The following ABCB4 variants were observed in gnomAD, a reference collection of about 807,000 sequenced individuals.
The protein encoded by ABCB4 is phosphatidylcholine translocator ABCB4.
A neutral mutation model predicts 145.7 loss-of-function variants in ABCB4; 76 were observed. The observed-to-expected ratio is 0.52, with a 90% CI of 0.43 to 0.63. The LOEUF is 0.63. ABCB4 is among the 30% of genes least tolerant of loss of function. The pLI is 0.00. For missense variants in ABCB4, 1,234 were observed against 1,553.1 expected, an observed-to-expected ratio of 0.79 and a Z score of 3.45; for synonymous variants, 517 against 566.8, an observed-to-expected ratio of 0.91 and a Z score of 1.25.
chr7:87,392,550 T>C, the ABCB4 span: 1 of 1,609,010 alleles, frequency 6.2e-7, no homozygotes, highest in South Asian at 1.1e-5. Flanking sequence ...GAAGTGTCTC[T>C]CGATTTTTAA....
chr7:87,407,301 A>G (rs887208189), intron 25 of ABCB4, among the ~76,000 whole-genome samples: 6 of 152,200 alleles, frequency 3.9e-5, no homozygotes, highest in South Asian at 2.1e-4. Flanking sequence ...TGGTTTGCCT[A>G]TGTTACCTGC....
At chr7:87,399,709 A>G (rs1807695707), downstream of ABCB4, 1 of 152,128 alleles carries the variant, frequency 6.6e-6, no homozygotes, top group Non-Finnish European at 1.5e-5. Context: ...TCGCTGTTCA[A>G]TTTTGTAGTT....
intron 8 of ABCB4, 25 bp downstream of exon 8, chr7:87,449,943 C>G (rs765532020): frequency 6.2e-7 from 1 of 1,614,068 alleles, no homozygotes; most frequent in East Asian, 2.2e-5. Flanking sequence ...ATTCCTTAAA[C>G]CAGTGGCTAA....
the ABCB4 span, chr7:87,393,113 G>A: frequency 6.3e-7 from 1 of 1,577,862 alleles, no homozygotes; most frequent in South Asian, 1.2e-5. Context: ...GAGTAGGAAA[G>A]GTATTACTTT....
intron 4 of ABCB4, among the ~76,000 whole-genome samples, chr7:87,457,819 T>C (rs45501595): frequency 0.016 from 2,502 of 152,290 alleles, 36 homozygotes; most frequent in South Asian, 0.048. Context: ...TAGGGAAACA[T>C]AGTCTTCATT....
chr7:87,468,412 AG>A (rs138303357), intron 3 of ABCB4, among the ~76,000 whole-genome samples: 13,271 of 152,190 alleles, frequency 0.087, 959 homozygotes, highest in African/African-American at 0.19. Flanking sequence ...AACCAAAAAA[AG>A]TCCAGGACCA....
chr7:87,464,470 CA>C (rs1398422091), intron 3 of ABCB4, among the ~76,000 whole-genome samples: 2 of 152,180 alleles, frequency 1.3e-5, no homozygotes, highest in African/African-American at 4.8e-5. Flanking sequence ...AAAAGGAAAA[CA>C]GAACACTTGA....
rs748571017 is a variant in ABCB4, at chr7:87,411,912, G to A, written c.2905C>T (p.Arg969Cys). 28 of 1,613,328 alleles carry A rather than the reference G, an allele frequency of 1.7e-5. No homozygotes were observed. The highest frequency in any genetic ancestry group is 5.0e-5 in the Admixed American group (3 of 59,972). Residue 969 changes from arginine (R) to cysteine (C), a missense_variant, in exon 23 of 28, where the codon CGC (arginine) becomes TGC (cysteine). By Grantham distance (180) the Arg-to-Cys change is radical. Transcript: ENST00000649586. ...GAYLIVNGHM[R>C]FRDVILVFSA... ...ACTTACAGAATAACATCTCTGAAGC[G>A]CATATGTCCATTCACAATGAGATAT... is the stretch of plus-strand genomic sequence containing the variant.
downstream of ABCB4, among the ~76,000 whole-genome samples, chr7:87,397,358 A>AT (rs1807567827): frequency 6.6e-6 from 1 of 151,932 alleles, no homozygotes; most frequent in Admixed American, 6.6e-5. Flanking sequence ...CTCAAAAAAA[A>AT]AAAAAGTATT....
At chr7:87,403,058 GT>G (rs1267326375) in intron 27 of ABCB4, 76 bp downstream of exon 27, 13 of 1,493,466 alleles carry the variant, frequency 8.7e-6, no homozygotes, top group African/African-American at 2.8e-5. Context: ...GCTTGTGTGT[GT>G]TTTTTTCATG....
In ABCB4 at chr7:87,441,987, A is replaced by AT. The variant is rs1236259989; in HGVS notation, c.1356+1331dup. Among the ~76,000 whole-genome samples the AT allele has an allele frequency of 3.3e-5, 5 of 152,282 alleles. No homozygotes were observed. In the South Asian group the frequency reaches 1.0e-3, roughly 32 times the overall value. ...GAATTAATCAATTATGCCACTGGGCATTTTTTTCTATTATTTCAGTGGTAA... is the reference window on the plus strand; with the variant it reads ...GAATTAATCAATTATGCCACTGGGCATTTTTTTTCTATTATTTCAGTGGTAA... On this transcript the variant is annotated intron_variant, in intron 12 of 27. Coordinates refer to ENST00000649586, the MANE Select transcript of ABCB4 (RefSeq NM_000443.4).
At chr7:87,389,615 G>A in the ABCB4 span, among the ~76,000 whole-genome samples, 1 of 151,782 alleles carries the variant, frequency 6.6e-6, no homozygotes. Context: ...CACACCGGGG[G>A]CTGTCATGGG....
chr7:87,390,858 C>T, the ABCB4 span, among the ~76,000 whole-genome samples: 1,516 of 152,306 alleles, frequency 1.0e-2, 25 homozygotes, highest in African/African-American at 0.033. Context: ...TTATATCACA[C>T]ATTTTGTGGG....
intron 20 of ABCB4, among the ~76,000 whole-genome samples, chr7:87,417,850 G>A (rs190751170): frequency 1.9e-4 from 29 of 152,218 alleles, no homozygotes; most frequent in Admixed American, 3.9e-4. Context: ...AATGTACCTG[G>A]GTAATTTTAA....
At chr7:87,423,839 G>A in intron 17 of ABCB4, 67 bp downstream of exon 17, 1 of 1,597,618 alleles carries the variant, frequency 6.3e-7, no homozygotes, top group Non-Finnish European at 8.6e-7. Context: ...CAGTCAGTGA[G>A]GTTGGGAGAA....
chr7:87,469,983 A>C (rs1813243784), intron 3 of ABCB4, among the ~76,000 whole-genome samples: 1 of 152,268 alleles, frequency 6.6e-6, no homozygotes, highest in South Asian at 2.1e-4. Flanking sequence ...ACAAGGCTAC[A>C]GTAACCAAAA....
intron 4 of ABCB4, among the ~76,000 whole-genome samples, chr7:87,457,317 G>A (rs1812161556): frequency 6.6e-6 from 1 of 152,156 alleles, no homozygotes; most frequent in Non-Finnish European, 1.5e-5. Flanking sequence ...GACTGAAGCA[G>A]GAGGATTACT....
At chr7:87,441,485 G>T (rs1810986018) in intron 12 of ABCB4, among the ~76,000 whole-genome samples, 2 of 151,640 alleles carry the variant, frequency 1.3e-5, no homozygotes, top group African/African-American at 4.8e-5. Flanking sequence ...AATGAGCAGG[G>T]TTACCTTCAT....
intron 2 of ABCB4, among the ~76,000 whole-genome samples, chr7:87,473,169 G>A (rs1423795363): frequency 1.3e-5 from 2 of 152,210 alleles, no homozygotes; most frequent in African/African-American, 2.4e-5. Flanking sequence ...TGCCGCTTCA[G>A]TCTATCTTCA....
Sources: gnomAD v4.1 joint callset for allele counts (sites outside exome capture counted in the v4.1 genomes callset) on GRCh38, gnomAD v4.1.1 for gene constraint, MANE v1.5 for transcripts, NCBI Gene and HGNC (gene_info 2026-07-23, HGNC 2026-07-21) for gene names.